Variants in SEMA3C observed in about 807,000 individuals in gnomAD.
The protein encoded by SEMA3C is semaphorin-3C.
In SEMA3C, 47 loss-of-function variants were observed where a neutral mutation model predicts 89.4. That is an observed-to-expected ratio of 0.53 (90% CI 0.42 to 0.67). The LOEUF is 0.67. Ranked by LOEUF, SEMA3C falls within the 30% of genes least tolerant of loss-of-function variation. The probability of loss-of-function intolerance (pLI) is 0.00; values close to 1 mark genes in which losing one functional copy is unlikely to be tolerated. For synonymous variants in SEMA3C, 310 were observed against 320.2 expected, an observed-to-expected ratio of 0.97 and a Z score of 0.34; for missense variants, 839 against 929.1, an observed-to-expected ratio of 0.90 and a Z score of 1.26.
chr7:80,760,148 T>C (rs117669986), intron 14 of SEMA3C, among the ~76,000 whole-genome samples: 1,670 of 152,314 alleles, frequency 0.011, 16 homozygotes, highest in Non-Finnish European at 0.016. Context: ...TGATGCAGTA[T>C]GCAGTTGTAC....
intron 2 of SEMA3C, among the ~76,000 whole-genome samples, chr7:80,851,510 A>AAAG (rs1790512329): frequency 7.0e-6 from 1 of 142,642 alleles, no homozygotes; most frequent in African/African-American, 2.8e-5. Context: ...TCTTTAAAAA[A>AAAG]AAAAAAAAAA....
At chr7:80,763,541 A>G (rs904802233) in intron 13 of SEMA3C, among the ~76,000 whole-genome samples, 9 of 152,168 alleles carry the variant, frequency 5.9e-5, no homozygotes, top group Admixed American at 5.9e-4. Context: ...ATTCAAGATG[A>G]TAACACCAGC....
chr7:80,753,018 T>C (rs1030269902), intron 15 of SEMA3C, among the ~76,000 whole-genome samples: 1 of 152,166 alleles, frequency 6.6e-6, no homozygotes, highest in Non-Finnish European at 1.5e-5. Context: ...CACAAAGTCA[T>C]TGATAGTGAA....
chr7:80,901,515 T>G (rs1156953992), intron 2 of SEMA3C, among the ~76,000 whole-genome samples: 1 of 152,232 alleles, frequency 6.6e-6, no homozygotes. Context: ...CTATATACTT[T>G]GCAAAACTTA....
At chr7:80,822,503 T>C (rs1054454471) in intron 4 of SEMA3C, among the ~76,000 whole-genome samples, 2 of 151,976 alleles carry the variant, frequency 1.3e-5, no homozygotes, top group African/African-American at 4.8e-5. Flanking sequence ...AGAGGATAAC[T>C]GTGTGATGAA....
At chr7:80,756,067 C>T (rs142061488) in intron 15 of SEMA3C, among the ~76,000 whole-genome samples, 1 of 152,282 alleles carries the variant, frequency 6.6e-6, no homozygotes, top group East Asian at 1.9e-4. Context: ...CAGGCCACTC[C>T]TCTCTACTCC....
rs149056165 is a variant in SEMA3C, at chr7:80,804,135, T to A, written c.772A>T (p.Ile258Phe). The A allele has an allele frequency of 1.2e-6, 2 of 1,612,552 alleles. No individual in the cohort carries two copies. The highest frequency in any genetic ancestry group is 2.7e-5 in the African/African-American group (2 of 74,852). The part of the protein sequence containing the change: ...LTDNNRSTKQ[I>F]HSMIARICPN... ...CATATTCGAGCAATCATGGAATGAA[T>A]CTGTTTCGTGCTCCTGTTATTGTCA... Residue 258 changes from isoleucine to phenylalanine, a missense_variant, in exon 8 of 18, where the codon ATT becomes TTT. Ile to Phe is a conservative substitution (Grantham distance 21). Coordinates refer to ENST00000265361, the MANE Select transcript of SEMA3C (RefSeq NM_006379.5).
Position 80,794,909 on chromosome 7 carries a change from G to T in SEMA3C, c.1131+3183C>A, listed in dbSNP as rs1402245002. ...TCTTCCTACTGACTTGGGCTTGCTG[G>T]TGGGGTCGTTTGCTAACAGAGCTAC... On this transcript the variant is annotated intron_variant, in intron 11 of 17. Transcript: ENST00000265361. 2.0e-5 allele frequency among the ~76,000 whole-genome samples: 3 copies of T among 152,130 alleles called. 1 individual carries two copies. In the South Asian group the frequency reaches 6.2e-4, roughly 31 times the overall value.
chr7:80,878,426 A>G (rs998341808), intron 2 of SEMA3C, among the ~76,000 whole-genome samples: 1 of 152,174 alleles, frequency 6.6e-6, no homozygotes, highest in Admixed American at 6.5e-5. Flanking sequence ...ATAATTTCAC[A>G]AAGACTGACA....
At chr7:80,797,855 G>A (rs138692558) in intron 11 of SEMA3C, among the ~76,000 whole-genome samples, 6,385 of 151,996 alleles carry the variant, frequency 0.042, 194 homozygotes, top group Non-Finnish European at 0.063. Context: ...AAAATTAGCC[G>A]GGCATGGTGG....
At chr7:80,824,878 G>A (rs1299072322) in intron 4 of SEMA3C, among the ~76,000 whole-genome samples, 1 of 152,100 alleles carries the variant, frequency 6.6e-6, no homozygotes, top group East Asian at 1.9e-4. Flanking sequence ...AGGACCTGGC[G>A]TGTTCCATTA....
intron 5 of SEMA3C, among the ~76,000 whole-genome samples, chr7:80,814,707 C>T (rs1789557769): frequency 6.6e-6 from 1 of 152,112 alleles, no homozygotes; most frequent in South Asian, 2.1e-4. Flanking sequence ...CATCTCAGTT[C>T]ATGGCAACTA....
chr7:80,781,452 C>T (rs529526056), intron 12 of SEMA3C, among the ~76,000 whole-genome samples: 4 of 152,318 alleles, frequency 2.6e-5, no homozygotes, highest in Admixed American at 1.3e-4. Context: ...AACTATATTT[C>T]GCATTCTATA....
chr7:80,807,659 C>A (rs1180430181), intron 6 of SEMA3C, among the ~76,000 whole-genome samples: 2 of 152,130 alleles, frequency 1.3e-5, no homozygotes, highest in Admixed American at 6.5e-5. Flanking sequence ...AAGATAACAT[C>A]TGACTTCGTT....
chr7:80,871,192 A>G (rs1049288922), intron 2 of SEMA3C, among the ~76,000 whole-genome samples: 3 of 152,202 alleles, frequency 2.0e-5, no homozygotes, highest in African/African-American at 7.2e-5. Flanking sequence ...CTGCCCAATA[A>G]AAAAGTCAAG....
At chr7:80,838,303 T>G (rs549825391) in intron 2 of SEMA3C, among the ~76,000 whole-genome samples, 1 of 152,126 alleles carries the variant, frequency 6.6e-6, no homozygotes, top group Non-Finnish European at 1.5e-5. Flanking sequence ...AAAAAAAGAA[T>G]GAGAATATTT....
chr7:80,900,752 T>C (rs1438424632), intron 2 of SEMA3C, among the ~76,000 whole-genome samples: 2 of 152,226 alleles, frequency 1.3e-5, no homozygotes, highest in Non-Finnish European at 2.9e-5. Context: ...TACTGGCCTG[T>C]AAATCGTGCA....
chr7:80,851,749 C>T (rs568189957), intron 2 of SEMA3C, among the ~76,000 whole-genome samples: 16 of 151,492 alleles, frequency 1.1e-4, no homozygotes, highest in South Asian at 8.4e-4. Context: ...TAGGCAGTCA[C>T]AGCACAAAAT....
At chr7:80,762,672 G>GT (rs752852271) in intron 13 of SEMA3C, among the ~76,000 whole-genome samples, 2 of 152,088 alleles carry the variant, frequency 1.3e-5, no homozygotes, top group Non-Finnish European at 2.9e-5. Context: ...AATTAGCTGA[G>GT]TATGGTGGCG....
Sources: gnomAD v4.1 joint callset for allele counts (sites outside exome capture counted in the v4.1 genomes callset) on GRCh38, gnomAD v4.1.1 for gene constraint, MANE v1.5 for transcripts, NCBI Gene and HGNC (gene_info 2026-07-23, HGNC 2026-07-21) for gene names.